PINX1: variants seen among roughly 807,000 people sequenced by gnomAD.
PINX1 encodes PIN2/TERF1-interacting telomerase inhibitor 1.
Under a neutral mutation model 25.4 loss-of-function variants are expected in PINX1, and 34 were observed. That is an observed-to-expected ratio of 1.34 (90% CI 1.02 to 1.78). The LOEUF (loss-of-function observed/expected upper bound fraction) is 1.78, where lower values mean the gene tolerates loss of function less well. Among genes scored for constraint, PINX1 ranks in the 40% most tolerant of loss-of-function variants. PINX1 has a pLI of 0.00. For missense variants in PINX1, 592 were observed against 404.9 expected (o/e 1.46, Z -3.97); for synonymous variants, 197 against 147.7 (o/e 1.33, Z -2.42).
intron 6 of PINX1, among the ~76,000 whole-genome samples, chr8:10,769,017 G>A (rs888620532): frequency 6.6e-6 from 1 of 152,000 alleles, no homozygotes; most frequent in African/African-American, 2.4e-5. Flanking sequence ...ATTTAAATGC[G>A]ACATTCACTG....
At chr8:10,817,194 C>T (rs113458863) in intron 6 of PINX1, among the ~76,000 whole-genome samples, 2 of 152,266 alleles carry the variant, frequency 1.3e-5, no homozygotes, top group African/African-American at 4.8e-5. Context: ...CTTAGTGGCC[C>T]GCACTACCAC....
intron 6 of PINX1, among the ~76,000 whole-genome samples, chr8:10,800,272 C>A (rs528184864): frequency 6.6e-6 from 1 of 152,286 alleles, no homozygotes; most frequent in Non-Finnish European, 1.5e-5. Flanking sequence ...ATGAACTTGT[C>A]CGACTTAAGA....
chr8:10,793,379 G>A (rs929437572), intron 6 of PINX1, among the ~76,000 whole-genome samples: 1 of 152,144 alleles, frequency 6.6e-6, no homozygotes, highest in Non-Finnish European at 1.5e-5. Flanking sequence ...GCTTCCCAGG[G>A]CCACGCTGGA....
chr8:10,806,317 C>T (rs1452599740), intron 6 of PINX1, among the ~76,000 whole-genome samples: 2 of 152,162 alleles, frequency 1.3e-5, no homozygotes, highest in Non-Finnish European at 2.9e-5. Flanking sequence ...CATGGACGCA[C>T]GTGTGGGGGA....
chr8:10,784,201 G>C (rs1417087892), intron 6 of PINX1, among the ~76,000 whole-genome samples: 1 of 152,226 alleles, frequency 6.6e-6, no homozygotes, highest in Admixed American at 6.5e-5. Flanking sequence ...CACAGGGGAT[G>C]AGAGTGAGGA....
rs553075085 is a variant in PINX1 at position 10,778,953 on chromosome 8, C to T, written c.472-13037G>A. Among the ~76,000 whole-genome samples the T allele has an allele frequency of 1.8e-3, 273 of 152,300 alleles. 1 individual carries two copies. Among genetic ancestry groups the T allele is most frequent in the Admixed American group, 3.9e-3 (60 of 15,300 alleles). On this transcript the variant is annotated intron_variant, in intron 6 of 6. Coordinates refer to ENST00000314787, the MANE Select transcript of PINX1 (RefSeq NM_017884.6). Reference sequence around the variant, plus strand: ...GGCCTGGCAAGCATCCCACTATGGACGCTAGCTTGCAGAGCGCCTCTGGGA... The same window carrying T: ...GGCCTGGCAAGCATCCCACTATGGATGCTAGCTTGCAGAGCGCCTCTGGGA...
At chr8:10,813,890 G>A (rs1000614606) in intron 6 of PINX1, among the ~76,000 whole-genome samples, 1 of 149,206 alleles carries the variant, frequency 6.7e-6, no homozygotes, top group Non-Finnish European at 1.5e-5. Flanking sequence ...GGGAAGGTGG[G>A]GGAGGGAAAA....
At chr8:10,773,307 G>A (rs1801288794) in intron 6 of PINX1, among the ~76,000 whole-genome samples, 2 of 152,194 alleles carry the variant, frequency 1.3e-5, no homozygotes, top group African/African-American at 4.8e-5. Context: ...TCCTGCCAAC[G>A]ACAGAATGCC....
chr8:10,772,100 C>T (rs939930211), intron 6 of PINX1, among the ~76,000 whole-genome samples: 2 of 152,204 alleles, frequency 1.3e-5, no homozygotes, highest in African/African-American at 4.8e-5. Flanking sequence ...CAAGCAATGC[C>T]AGTAGAGACT....
intron 6 of PINX1, among the ~76,000 whole-genome samples, chr8:10,812,814 C>T (rs1032332019): frequency 2.6e-5 from 4 of 152,042 alleles, no homozygotes; most frequent in Middle Eastern, 3.4e-3. Context: ...TCCCTGACAC[C>T]GCCCAGCCTC....
intron 6 of PINX1, among the ~76,000 whole-genome samples, chr8:10,807,632 C>A (rs1312733776): frequency 6.6e-6 from 1 of 152,056 alleles, no homozygotes; most frequent in Non-Finnish European, 1.5e-5. Context: ...GTGCTAAGGA[C>A]TAAAATAAGA....
intron 6 of PINX1, among the ~76,000 whole-genome samples, chr8:10,808,715 G>C (rs749721854): frequency 2.0e-5 from 3 of 152,212 alleles, no homozygotes; most frequent in Non-Finnish European, 4.4e-5. Flanking sequence ...GCCAGGAAAA[G>C]ATAATTTCAT....
intron 6 of PINX1, among the ~76,000 whole-genome samples, chr8:10,795,932 T>C (rs1327131387): frequency 6.6e-6 from 1 of 152,134 alleles, no homozygotes; most frequent in African/African-American, 2.4e-5. Flanking sequence ...AAGCTTTGTA[T>C]GGATGAATAA....
Position 10,791,682 on chromosome 8 carries a change from C to A in PINX1, c.472-25766G>T, listed in dbSNP as rs10107303. On this transcript the variant is annotated intron_variant, in intron 6 of 6. Transcript: ENST00000314787. Reference sequence around the variant, plus strand: ...GGAGCTCCAGCCCCCATCTTTGTGGCGGCTGCTGATGTGCTTGGGCGATCT... The same window carrying A: ...GGAGCTCCAGCCCCCATCTTTGTGGAGGCTGCTGATGTGCTTGGGCGATCT... Among the ~76,000 whole-genome samples the A allele has an allele frequency of 4.4e-4, 67 of 152,154 alleles. 3 individuals carry two copies. In the East Asian group the frequency reaches 0.012, roughly 26 times the overall value.
At chr8:10,804,970 A>C (rs1474296914) in intron 6 of PINX1, among the ~76,000 whole-genome samples, 1 of 151,962 alleles carries the variant, frequency 6.6e-6, no homozygotes, top group Non-Finnish European at 1.5e-5. Flanking sequence ...GACGCTACAA[A>C]GGGAGTTCAC....
chr8:10,788,116 T>C (rs1355468362), intron 6 of PINX1, among the ~76,000 whole-genome samples: 1 of 152,180 alleles, frequency 6.6e-6, no homozygotes, highest in Non-Finnish European at 1.5e-5. Flanking sequence ...AGGAATTGCT[T>C]CAGTAATGGG....
chr8:10,814,387 G>A (rs957694810), intron 6 of PINX1, among the ~76,000 whole-genome samples: 4 of 152,186 alleles, frequency 2.6e-5, no homozygotes, highest in African/African-American at 7.2e-5. Context: ...GTGTCTGGAG[G>A]AAATACGAAG....
chr8:10,817,817 C>T (rs143721035), intron 6 of PINX1, among the ~76,000 whole-genome samples: 42 of 152,310 alleles, frequency 2.8e-4, no homozygotes, highest in Middle Eastern at 3.4e-3. Flanking sequence ...GGGTTACTCA[C>T]GACCCGGAAG....
chr8:10,839,838 G>C lies in PINX1; in HGVS notation c.-82C>G, dbSNP rs1365728144. ...GGGCTGGAGACTCCAGGAGAATCAG[G>C]ACGTGCGTAACTCCCTCGCCGGCGG... On this transcript the variant is annotated 5_prime_UTR_variant, in exon 1 of 7. Transcript: ENST00000314787. 1.5e-6 allele frequency: 2 copies of C among 1,375,218 alleles called. No individual in the cohort carries two copies. Among genetic ancestry groups the C allele is most frequent in the Admixed American group, 2.1e-5 (1 of 47,594 alleles). 85.2% of individuals were successfully genotyped at this position (1,375,218 alleles called of 1,614,324 possible). A position where few individuals can be genotyped will look rare whatever the true frequency, so the allele number is the denominator to read the frequency against.
Sources: allele counts gnomAD v4.1 joint callset (sites outside exome capture counted in the v4.1 genomes callset), GRCh38; gene constraint gnomAD v4.1.1; transcripts MANE v1.5; gene names NCBI Gene and HGNC (gene_info 2026-07-23, HGNC 2026-07-21).